Variants in DHX34 observed in about 807,000 individuals in gnomAD.
DHX34 encodes the protein probable ATP-dependent RNA helicase DHX34.
A neutral mutation model predicts 111.1 loss-of-function variants in DHX34; 96 were observed. That is an observed-to-expected ratio of 0.86 (90% CI 0.73 to 1.02). The LOEUF (loss-of-function observed/expected upper bound fraction) is 1.02. Among genes scored for constraint, DHX34 ranks in the 50% least tolerant of loss-of-function variants. The pLI is 0.00. For synonymous variants in DHX34, 688 were observed against 670.4 expected (o/e 1.03, Z -0.41); for missense variants, 1,560 against 1,579.9 (o/e 0.99, Z 0.21).
rs112191610 is a variant in DHX34 at position 47,352,884 on chromosome 19, C to T, written c.-147C>T. Reference sequence around the variant, plus strand: ...CTTTATCATCTGTGGTGGTCCTGTGCCGTGACCAGGAGGAAAAATTAGCTC... The same window carrying T: ...CTTTATCATCTGTGGTGGTCCTGTGTCGTGACCAGGAGGAAAAATTAGCTC... On this transcript the variant is annotated 5_prime_UTR_variant, in exon 2 of 17. Transcript: ENST00000328771. 271 of 1,432,762 alleles carry T rather than the reference C, an allele frequency of 1.9e-4. No homozygotes were observed. In the African/African-American group the frequency reaches 3.6e-3, roughly 19 times the overall value. 88.8% of individuals were successfully genotyped at this position (1,432,762 alleles called of 1,614,324 possible). A position where few individuals can be genotyped will look rare whatever the true frequency, so the allele number is the denominator to read the frequency against.
chr19:47,366,003 T>C (rs1004188995), intron 6 of DHX34, among the ~76,000 whole-genome samples: 1 of 152,198 alleles, frequency 6.6e-6, no homozygotes, highest in Non-Finnish European at 1.5e-5. Flanking sequence ...CTCCATCTGC[T>C]GTAGGTGGGC....
At chr19:47,376,732 C>G in intron 12 of DHX34, 172 bp downstream of exon 12, 5 of 1,421,938 alleles carry the variant, frequency 3.5e-6, no homozygotes, top group Non-Finnish European at 4.7e-6. Flanking sequence ...CCTTGGGTGA[C>G]TCACCCCTGC....
chr19:47,359,220 A>T (rs1025335190), intron 4 of DHX34, among the ~76,000 whole-genome samples: 1 of 152,166 alleles, frequency 6.6e-6, no homozygotes, highest in Non-Finnish European at 1.5e-5. Flanking sequence ...ATCCCAGCAC[A>T]GGAAGCTGAG....
intron 13 of DHX34, among the ~76,000 whole-genome samples, chr19:47,379,356 G>A (rs1234221420): frequency 1.3e-5 from 2 of 152,038 alleles, no homozygotes; most frequent in South Asian, 2.1e-4. Context: ...GCTGACTTCC[G>A]TCCTCACAGA....
intron 12 of DHX34, 158 bp from the exon 13 acceptor site, chr19:47,376,942 C>G: frequency 6.5e-7 from 1 of 1,539,048 alleles, no homozygotes; most frequent in Non-Finnish European, 8.7e-7. Flanking sequence ...GAGTCACATT[C>G]AGATTTGGCT....
chr19:47,359,866 G>C (rs867078342), intron 4 of DHX34, 102 bp from the exon 5 acceptor site: 2 of 1,583,384 alleles, frequency 1.3e-6, no homozygotes, highest in African/African-American at 1.3e-5. Flanking sequence ...AGGAGGAAAG[G>C]GTTCCAGGGA....
At chr19:47,367,435 T>A (rs1309245364) in intron 7 of DHX34, among the ~76,000 whole-genome samples, 5 of 152,108 alleles carry the variant, frequency 3.3e-5, no homozygotes, top group African/African-American at 1.2e-4. Flanking sequence ...GTGCCTAGTG[T>A]TCTGGAGAGA....
intron 7 of DHX34, among the ~76,000 whole-genome samples, chr19:47,370,471 T>C (rs1448684993): frequency 1.3e-5 from 2 of 152,158 alleles, no homozygotes; most frequent in Non-Finnish European, 2.9e-5. Flanking sequence ...CTGAGGCTTG[T>C]TCATCTTGCC....
chr19:47,378,865 C>A (rs983550809), intron 13 of DHX34, among the ~76,000 whole-genome samples: 1 of 151,784 alleles, frequency 6.6e-6, no homozygotes, highest in African/African-American at 2.4e-5. Flanking sequence ...CATGGTGGCT[C>A]ACGCCTATAA....
At chr19:47,365,740 C>T (rs962494534) in intron 6 of DHX34, among the ~76,000 whole-genome samples, 2 of 152,140 alleles carry the variant, frequency 1.3e-5, no homozygotes, top group Non-Finnish European at 2.9e-5. Flanking sequence ...GCTGCCTTGC[C>T]AGCCTCTCCT....
At chr19:47,356,678 G>A (rs1203144593) in intron 3 of DHX34, among the ~76,000 whole-genome samples, 1 of 151,870 alleles carries the variant, frequency 6.6e-6, no homozygotes, top group African/African-American at 2.4e-5. Context: ...TGCGAGCCGA[G>A]TGTGGTGGCT....
chr19:47,373,371 C>T (rs1970031200), intron 8 of DHX34: 1 of 611,800 alleles, frequency 1.6e-6, no homozygotes. Context: ...CCAGAGAGGG[C>T]TGGAATGGGG....
Position 47,381,279 on chromosome 19 carries a change from GC to G in DHX34, c.3256del (p.His1086MetfsTer71), listed in dbSNP as rs764632540. 6.2e-7 allele frequency: 1 copy of G among 1,613,866 alleles called. No homozygotes were observed. Among genetic ancestry groups the G allele is most frequent in the Non-Finnish European group, 8.5e-7 (1 of 1,179,896 alleles). ...HAPLTPLERI[A>X]HENTCPQAPQ... Reference sequence around the variant, plus strand: ...GCCCCTCACGCCCCTGGAGCGCATCGCCCATGAGAACACCTGCCCCCAGGCC... The same window carrying G: ...GCCCCTCACGCCCCTGGAGCGCATCGCCATGAGAACACCTGCCCCCAGGCC... On this transcript the variant is annotated frameshift_variant, in exon 16 of 17. Coordinates refer to ENST00000328771, the MANE Select transcript of DHX34 (RefSeq NM_014681.6). LOFTEE classifies it low-confidence loss of function (END_TRUNC).
chr19:47,372,013 C>T (rs1969978368), intron 7 of DHX34, among the ~76,000 whole-genome samples: 1 of 151,100 alleles, frequency 6.6e-6, no homozygotes, highest in Admixed American at 6.6e-5. Flanking sequence ...TAGATGCCCG[C>T]TGTGGAGCGC....
chr19:47,361,647 C>T (rs554621970), intron 5 of DHX34, among the ~76,000 whole-genome samples: 10 of 151,826 alleles, frequency 6.6e-5, no homozygotes, highest in South Asian at 6.2e-4. Context: ...GGCATGGTGG[C>T]GGGTTCCTGT....
chr19:47,367,325 C>G (rs1969822372), intron 7 of DHX34, among the ~76,000 whole-genome samples, 170 bp downstream of exon 7: 1 of 152,140 alleles, frequency 6.6e-6, no homozygotes, highest in East Asian at 1.9e-4. Flanking sequence ...TAGCAGTGGA[C>G]AGAACAGACA....
intron 6 of DHX34, among the ~76,000 whole-genome samples, chr19:47,364,634 A>C (rs1001393558): frequency 6.6e-6 from 1 of 151,996 alleles, no homozygotes; most frequent in African/African-American, 2.4e-5. Flanking sequence ...CCCACGCAGG[A>C]GGCTGAGGCA....
intron 7 of DHX34, among the ~76,000 whole-genome samples, chr19:47,369,502 A>C (rs1331953344): frequency 6.6e-6 from 1 of 152,192 alleles, no homozygotes; most frequent in Non-Finnish European, 1.5e-5. Context: ...GATGCCAGAG[A>C]TACAACAGTG....
rs569456681 is a variant in DHX34 at position 47,366,349 on chromosome 19, C to T, written c.1594-632C>T. ...AGGCTGGAGTGCAGTGGTGCAATCT[C>T]GGCTCACTGCAACCTCCGCCTTCCA... On this transcript the variant is annotated intron_variant, in intron 6 of 16. Coordinates refer to ENST00000328771, the MANE Select transcript of DHX34 (RefSeq NM_014681.6). 5.9e-5 allele frequency among the ~76,000 whole-genome samples: 9 copies of T among 152,034 alleles called. No homozygotes were observed. In the South Asian group the frequency reaches 1.9e-3, roughly 32 times the overall value.
Sources: gnomAD v4.1 joint callset for allele counts (sites outside exome capture counted in the v4.1 genomes callset) on GRCh38, gnomAD v4.1.1 for gene constraint, MANE v1.5 for transcripts, NCBI Gene and HGNC (gene_info 2026-07-23, HGNC 2026-07-21) for gene names.